Variants in RYR1 observed in about 807,000 individuals in gnomAD.
RYR1 encodes the protein central core disease of muscle.
In RYR1, 342 loss-of-function variants were observed where a neutral mutation model predicts 583.5. That is an observed-to-expected ratio of 0.59 (90% CI 0.54 to 0.64). The LOEUF (loss-of-function observed/expected upper bound fraction) is 0.64. Ranked by LOEUF, RYR1 falls within the 30% of genes least tolerant of loss-of-function variation. The pLI is 0.00. For synonymous variants in RYR1, 2,791 were observed against 2,822.5 expected (o/e 0.99, Z 0.35); for missense variants, 6,032 against 6,917.2 (o/e 0.87, Z 4.54).
At chr19:38,525,597 G>A (rs1048228558) in intron 71 of RYR1, 95 bp downstream of exon 71, 4 of 1,353,994 alleles carry the variant, frequency 3.0e-6, no homozygotes, top group South Asian at 2.5e-5. Flanking sequence ...ATGCCACTGA[G>A]CCCCCCAGGT....
At chr19:38,465,353 A>G (rs1432056977) in intron 23 of RYR1, among the ~76,000 whole-genome samples, 1 of 151,956 alleles carries the variant, frequency 6.6e-6, no homozygotes, top group Non-Finnish European at 1.5e-5. Context: ...CTGTAGTTCC[A>G]GCAACTTGGG....
chr19:38,527,679 G>A lies in RYR1; in HGVS notation c.10719G>A (p.Met3573Ile). 1 of 1,614,168 alleles carries A rather than the reference G, an allele frequency of 6.2e-7. No individual in the cohort carries two copies. Among genetic ancestry groups the A allele is most frequent in the Non-Finnish European group, 8.5e-7 (1 of 1,180,032 alleles). The change falls in exon 73 of 106, where the codon ATG becomes ATA. Residue 3573 changes from methionine to isoleucine, a missense_variant. This residue lies in a region of RYR1 where 1,493 missense variants were observed against 1,715.5 expected (regional missense o/e 0.87). Transcript: ENST00000359596. The part of the protein sequence containing the change: ...VEGSPSLRWQ[M>I]ALYRGVPGRE... ...GCTCCCCGTCTCTGCGCTGGCAGATGGCTCTGTACCGGGGCGTCCCGGGTC... is the reference window on the plus strand; with the variant it reads ...GCTCCCCGTCTCTGCGCTGGCAGATAGCTCTGTACCGGGGCGTCCCGGGTC...
chr19:38,517,792 A>T (rs1280321960), intron 66 of RYR1, 101 bp downstream of exon 66: 21 of 1,180,502 alleles, frequency 1.8e-5, no homozygotes, highest in Non-Finnish European at 2.5e-5. Context: ...CGGAGTTGGG[A>T]GGAGTCAGAG....
chr19:38,575,946 G>A lies in RYR1; in HGVS notation c.14157G>A (p.Lys4719=), dbSNP rs776586662. The change falls in exon 97 of 106, where the codon AAG becomes AAA. Residue 4719 remains lysine (K), a synonymous_variant. Transcript: ENST00000359596. ...CTTTCCCTAGCAACTACTGGGACAAGTTTGTCAAGCGCAAGGTGAGAGGAC... is the reference window on the plus strand; with the variant it reads ...CTTTCCCTAGCAACTACTGGGACAAATTTGTCAAGCGCAAGGTGAGAGGAC... The part of the protein sequence containing the change: ...TPSFPSNYWD[K]FVKRKVLDKH... The A allele has an allele frequency of 8.1e-6, 13 of 1,614,238 alleles. No homozygotes were observed. The Admixed American group carries it at 2.2e-4, about 27-fold the overall frequency.
In RYR1 at chr19:38,496,619, C is replaced by G. The variant is rs1969842441; in HGVS notation, c.6796+78C>G. The G allele has an allele frequency of 1.9e-6, 3 of 1,551,908 alleles. No individual in the cohort carries two copies. The highest frequency in any genetic ancestry group is 2.7e-6 in the Non-Finnish European group (3 of 1,126,816). ...CGTCCAGGCCTGCCCCACTTTCCACCAGCTCACTCATTCAACAAACACTCC... is the reference window on the plus strand; with the variant it reads ...CGTCCAGGCCTGCCCCACTTTCCACGAGCTCACTCATTCAACAAACACTCC... On this transcript the variant is annotated intron_variant, in intron 41 of 105. Coordinates refer to ENST00000359596, the MANE Select transcript of RYR1 (RefSeq NM_000540.3). This position sits in a 1 kb window ranked among gnomAD's most constrained non-coding sequence, Gnocchi z 4.8.
At chr19:38,568,001 T>C in intron 93 of RYR1, 84 bp downstream of exon 93, 2 of 1,500,698 alleles carry the variant, frequency 1.3e-6, no homozygotes, top group South Asian at 1.2e-5. Context: ...CACCTTGTTC[T>C]TGAGTTCATC....
chr19:38,550,055 C>T (rs368741662), intron 89 of RYR1, among the ~76,000 whole-genome samples: 8 of 152,106 alleles, frequency 5.3e-5, no homozygotes, highest in Admixed American at 1.3e-4. Context: ...CTCGCCTAGC[C>T]AATTTCCCTT....
At chr19:38,502,997 C>T in intron 49 of RYR1, 27 bp downstream of exon 49, 1 of 1,602,106 alleles carries the variant, frequency 6.2e-7, no homozygotes, top group Non-Finnish European at 8.5e-7. Flanking sequence ...TTTAGCATCT[C>T]ATTTCCAGGC....
In RYR1 at chr19:38,448,596, C is replaced by G. The variant is rs546800194; in HGVS notation, c.958-53C>G. ...ACTCTGCAGTCCCTCAGGGGGGCTCCCCTGCTAAACACACAGGCAGAGGAG... is the reference window on the plus strand; with the variant it reads ...ACTCTGCAGTCCCTCAGGGGGGCTCGCCTGCTAAACACACAGGCAGAGGAG... On this transcript the variant is annotated intron_variant, in intron 10 of 105. Transcript: ENST00000359596. 4.0e-4 allele frequency: 645 copies of G among 1,614,154 alleles called. 1 individual carries two copies. The South Asian group carries it at 4.4e-3, about 11-fold the overall frequency.
intron 94 of RYR1, 39 bp downstream of exon 94, chr19:38,570,732 C>A: frequency 6.6e-7 from 1 of 1,517,008 alleles, no homozygotes; most frequent in Non-Finnish European, 9.2e-7. Context: ...AGGCCCTTTT[C>A]CATGCTGTGG....
chr19:38,573,907 T>A (rs529309063), intron 96 of RYR1, among the ~76,000 whole-genome samples: 54 of 151,988 alleles, frequency 3.6e-4, no homozygotes, highest in African/African-American at 1.1e-3. Context: ...TTAAACCCTG[T>A]CTCCAGGTGT....
At chr19:38,571,607 A>T (rs914496840) in intron 94 of RYR1, among the ~76,000 whole-genome samples, 5 of 152,206 alleles carry the variant, frequency 3.3e-5, no homozygotes, top group African/African-American at 9.7e-5. Flanking sequence ...ACTACACTCC[A>T]GCCTAGGTGA....
intron 20 of RYR1, among the ~76,000 whole-genome samples, 153 bp downstream of exon 20, chr19:38,460,744 G>A (rs912333082): frequency 6.6e-5 from 10 of 152,250 alleles, no homozygotes; most frequent in East Asian, 1.9e-4. Flanking sequence ...TTGGGAGGCC[G>A]AGGCGGGTGG....
rs767849171 is a variant in RYR1 at position 38,572,019 on chromosome 19, G to A, written c.13747G>A (p.Val4583Ile). 2 of 1,613,946 alleles carry A rather than the reference G, an allele frequency of 1.2e-6. No homozygotes were observed. Among genetic ancestry groups the A allele is most frequent in the East Asian group, 4.5e-5 (2 of 44,880 alleles). ...AGATGAATCTCTGTCCCCATTTCAG[G>A]TCTCAGACTCTCCACCAGGGGAGGA... ...AINFILLFYK[V>I]SDSPPGEDDM... The change falls in exon 95 of 106, where the codon GTC becomes ATC. Residue 4583 changes from valine to isoleucine, a missense_variant and splice_region_variant. This residue lies in a region of RYR1 where 35 missense variants were observed against 66.0 expected (regional missense o/e 0.53). Transcript: ENST00000359596.
chr19:38,586,272 G>A, intron 104 of RYR1, 81 bp downstream of exon 104: 1 of 1,332,710 alleles, frequency 7.5e-7, no homozygotes, highest in Non-Finnish European at 1.1e-6. Flanking sequence ...GCTTTGGCCA[G>A]TTAGGAAAGG....
chr19:38,547,424 A>T (rs1972481991), intron 88 of RYR1, among the ~76,000 whole-genome samples: 1 of 151,990 alleles, frequency 6.6e-6, no homozygotes, highest in Non-Finnish European at 1.5e-5. Context: ...GGAGTGTGGG[A>T]TCGCAGTTTG....
Position 38,506,547 on chromosome 19 carries a change from G to C in RYR1, c.8692+1G>C. 6.2e-7 allele frequency: 1 copy of C among 1,613,906 alleles called. No homozygotes were observed. The highest frequency in any genetic ancestry group is 8.5e-7 in the Non-Finnish European group (1 of 1,179,952). On this transcript the variant is annotated splice_donor_variant, in intron 56 of 105. Transcript: ENST00000359596. LOFTEE classifies it high-confidence loss of function. The stretch of plus-strand genomic sequence containing the variant: ...AAGAAGCAGGAGCTGGAAGCCAAAG[G>C]TGAGGGCGCCCATGCCGCCCCCACG...
chr19:38,471,340 G>A (rs1004747248), intron 27 of RYR1, among the ~76,000 whole-genome samples: 24 of 151,710 alleles, frequency 1.6e-4, no homozygotes, highest in African/African-American at 5.1e-4. Flanking sequence ...ACCAGCCTGG[G>A]CAACATAGCA....
At chr19:38,445,506 C>T (rs1176348546) in intron 7 of RYR1, among the ~76,000 whole-genome samples, 3 of 152,096 alleles carry the variant, frequency 2.0e-5, no homozygotes, top group Non-Finnish European at 4.4e-5. Context: ...AGTCCTAAAC[C>T]AGACCCACGC....
Sources: gnomAD v4.1 joint callset for allele counts (sites outside exome capture counted in the v4.1 genomes callset) on GRCh38, gnomAD v4.1.1 for gene constraint, gnomAD v4.1.1 regional missense constraint, Gnocchi (gnomAD v3.1) non-coding constraint, MANE v1.5 for transcripts, NCBI Gene and HGNC (gene_info 2026-07-23, HGNC 2026-07-21) for gene names.